RNF217: variants seen among roughly 807,000 people sequenced by gnomAD.
The protein encoded by RNF217 is E3 ubiquitin-protein ligase RNF217.
A neutral mutation model predicts 57.8 loss-of-function variants in RNF217; 31 were observed. That is an observed-to-expected ratio of 0.54 (90% CI 0.40 to 0.72). The LOEUF (loss-of-function observed/expected upper bound fraction) is 0.72, where lower values mean the gene tolerates loss of function less well. RNF217 is among the 30% of genes least tolerant of loss of function. The pLI is 0.00. For synonymous variants in RNF217, 313 were observed against 294.0 expected, an observed-to-expected ratio of 1.06 and a Z score of -0.66; for missense variants, 696 against 708.3, an observed-to-expected ratio of 0.98 and a Z score of 0.20.
intron 1 of RNF217, among the ~76,000 whole-genome samples, chr6:124,970,399 T>C (rs1783720271): frequency 1.3e-5 from 2 of 152,130 alleles, no homozygotes; most frequent in Admixed American, 1.3e-4. Flanking sequence ...AGAATGCCAA[T>C]GATTGCACAT....
At chr6:125,081,729 G>A (rs560132278) in intron 5 of RNF217, among the ~76,000 whole-genome samples, 2 of 152,186 alleles carry the variant, frequency 1.3e-5, no homozygotes, top group African/African-American at 4.8e-5. Context: ...TGTGATTCAT[G>A]TACCTTATAA....
chr6:124,989,249 T>C (rs1472295484), intron 1 of RNF217, among the ~76,000 whole-genome samples: 3 of 152,368 alleles, frequency 2.0e-5, no homozygotes, highest in African/African-American at 7.2e-5. Flanking sequence ...TATTGTATTC[T>C]TTTAGTATAA....
chr6:125,082,677 T>C, intron 5 of RNF217, 187 bp from the exon 6 acceptor site: 1 of 1,460,966 alleles, frequency 6.8e-7, no homozygotes, highest in South Asian at 1.3e-5. Context: ...CTGAGGGTGC[T>C]AAAGGGGAGA....
Position 125,045,263 on chromosome 6 carries a change from T to A in RNF217, c.935T>A (p.Phe312Tyr). Residue 312 changes from phenylalanine (F) to tyrosine (Y), a missense_variant, in exon 2 of 6, where the codon TTC (phenylalanine) becomes TAC (tyrosine). By Grantham distance (22) the Phe-to-Tyr change is conservative (BLOSUM62 3). Around this residue, in one of 2 missense-constraint regions of RNF217, gnomAD observed 231 missense variants for 321.4 expected, o/e 0.72. Transcript: ENST00000521654. ...TGCCCCATCACAGAGTGTTTTGAAT[T>A]CTTGGAAGAAACAACTGTTGTCTAT... Reference protein sequence around the residue: ...IKCPITECFEFLEETTVVYNL... With the variant: ...IKCPITECFEYLEETTVVYNL... 2 of 1,613,366 alleles carry A rather than the reference T, an allele frequency of 1.2e-6. No homozygotes were observed. Among genetic ancestry groups the A allele is most frequent in the Admixed American group, 3.3e-5 (2 of 59,920 alleles).
chr6:125,067,663 G>A (rs1787984457), intron 3 of RNF217, among the ~76,000 whole-genome samples: 1 of 152,146 alleles, frequency 6.6e-6, no homozygotes, highest in African/African-American at 2.4e-5. Flanking sequence ...ATGATGATGA[G>A]TTTGGTTTTG....
At position 125,090,619 on chromosome 6, in the gene RNF217, A is replaced by G. The variant is rs771690420; in HGVS notation, c.*7682A>G. Reference sequence around the variant, plus strand: ...ATTATATTCTCCTTAACAATAGAAAATTAGAAGAAATTTCTTGATCATAAG... The same window carrying G: ...ATTATATTCTCCTTAACAATAGAAAGTTAGAAGAAATTTCTTGATCATAAG... On this transcript the variant is annotated 3_prime_UTR_variant, in exon 6 of 6. Transcript: ENST00000521654. 7.2e-5 allele frequency: 11 copies of G among 151,762 alleles called. No homozygotes were observed. The highest frequency in any genetic ancestry group is 1.3e-4 in the Non-Finnish European group (9 of 67,798). 9.4% of individuals were successfully genotyped at this position (151,762 alleles called of 1,614,324 possible). A position where few individuals can be genotyped will look rare whatever the true frequency, so the allele number is the denominator to read the frequency against.
At chr6:125,002,060 T>A (rs939279308) in intron 1 of RNF217, among the ~76,000 whole-genome samples, 1 of 152,216 alleles carries the variant, frequency 6.6e-6, no homozygotes, top group Admixed American at 6.5e-5. Flanking sequence ...CCCAAACTCC[T>A]AATGGATGGT....
chr6:124,983,544 A>G, intron 1 of RNF217: 1 of 948,302 alleles, frequency 1.1e-6, no homozygotes, highest in Non-Finnish European at 1.3e-6. Flanking sequence ...TACTGAAACT[A>G]ATACCAGTCA....
chr6:124,967,858 A>G (rs36060063), intron 1 of RNF217, among the ~76,000 whole-genome samples: 33,035 of 151,864 alleles, frequency 0.22, 4,379 homozygotes, highest in East Asian at 0.39. Context: ...GGCTCACTGC[A>G]ACCTTTGCCT....
chr6:125,024,847 T>C (rs2114434184), intron 1 of RNF217, among the ~76,000 whole-genome samples: 1 of 152,134 alleles, frequency 6.6e-6, no homozygotes, highest in Middle Eastern at 3.4e-3. Flanking sequence ...AACGTAGATA[T>C]CAGAAGCTTA....
chr6:124,980,361 G>A (rs1021708208), intron 1 of RNF217, among the ~76,000 whole-genome samples: 2 of 152,014 alleles, frequency 1.3e-5, no homozygotes, highest in African/African-American at 4.8e-5. Flanking sequence ...AAAACAAATA[G>A]GAACTACCTA....
Position 125,051,123 on chromosome 6 carries a change from T to C in RNF217, c.1116+5679T>C, listed in dbSNP as rs1486697441. 2.6e-5 allele frequency among the ~76,000 whole-genome samples: 4 copies of C among 151,960 alleles called. No individual in the cohort carries two copies. In the East Asian group the frequency reaches 7.7e-4, roughly 29 times the overall value. On this transcript the variant is annotated intron_variant, in intron 2 of 5. Coordinates refer to ENST00000521654, the MANE Select transcript of RNF217 (RefSeq NM_001286398.3). ...ATTAGACACAATATTTTTAGAGGTT[T>C]TTAACTTGTGCTTGAACTTCTAACA...
chr6:125,034,271 A>C (rs574599615), intron 1 of RNF217, among the ~76,000 whole-genome samples: 1 of 152,290 alleles, frequency 6.6e-6, no homozygotes, highest in African/African-American at 2.4e-5. Context: ...GTCTTTGCCC[A>C]TGCCTATGTC....
chr6:124,985,053 AT>A (rs1264117473), intron 1 of RNF217, among the ~76,000 whole-genome samples: 2 of 152,242 alleles, frequency 1.3e-5, no homozygotes, highest in African/African-American at 4.8e-5. Flanking sequence ...AAAAAAGCTC[AT>A]ACTCATTCTT....
chr6:125,062,513 A>G (rs10214719), intron 3 of RNF217, among the ~76,000 whole-genome samples: 5,515 of 152,204 alleles, frequency 0.036, 312 homozygotes, highest in African/African-American at 0.12. Context: ...ATAACCCACC[A>G]CATTAAGGTC....
chr6:125,082,778 T>C (rs1248086910), intron 5 of RNF217, 86 bp from the exon 6 acceptor site: 7 of 1,166,050 alleles, frequency 6.0e-6, no homozygotes, highest in Non-Finnish European at 7.5e-6. Flanking sequence ...GTTCGTACAC[T>C]GCAAATAAAT....
At position 124,962,615 on chromosome 6, in the gene RNF217, C is replaced by G. The variant is rs1374634797; in HGVS notation, c.71C>G (p.Thr24Ser). 1 of 1,315,144 alleles carries G rather than the reference C, an allele frequency of 7.6e-7. No individual in the cohort carries two copies. Among genetic ancestry groups the G allele is most frequent in the Non-Finnish European group, 9.6e-7 (1 of 1,041,150 alleles). 81.5% of individuals were successfully genotyped at this position (1,315,144 alleles called of 1,614,324 possible). Residue 24 changes from threonine to serine, a missense_variant, in exon 1 of 6, where the codon ACT becomes AGT. Thr to Ser is a moderately conservative substitution (Grantham distance 58). Around this residue, in one of 2 missense-constraint regions of RNF217, gnomAD observed 465 missense variants for 386.8 expected, o/e 1.20. Coordinates refer to ENST00000521654, the MANE Select transcript of RNF217 (RefSeq NM_001286398.3). This position sits in a 1 kb window ranked among gnomAD's most constrained non-coding sequence, Gnocchi z 4.6. ...GAGTCGCAGACCCTGGCCAGTGGCA[C>G]TGCGGGCCACCCTGAGCCCCCGAGG... is the stretch of plus-strand genomic sequence containing the variant. ...PQESQTLASGTAGHPEPPRPQ... is the reference protein window; with the variant it reads ...PQESQTLASGSAGHPEPPRPQ...
At chr6:125,009,398 T>C (rs1785332032) in intron 1 of RNF217, 4 of 653,020 alleles carry the variant, frequency 6.1e-6, no homozygotes, top group Middle Eastern at 2.6e-4. Context: ...AGAGTAGATT[T>C]TTTCACTTTC....
intron 1 of RNF217, among the ~76,000 whole-genome samples, chr6:124,986,902 T>G (rs1784384838): frequency 2.0e-5 from 3 of 152,198 alleles, no homozygotes; most frequent in Admixed American, 2.0e-4. Flanking sequence ...AATGTTTTGC[T>G]TGCCTGGGGT....
Sources: gnomAD v4.1 joint callset for allele counts (sites outside exome capture counted in the v4.1 genomes callset) on GRCh38, gnomAD v4.1.1 for gene constraint, gnomAD v4.1.1 regional missense constraint, Gnocchi (gnomAD v3.1) non-coding constraint, MANE v1.5 for transcripts, NCBI Gene and HGNC (gene_info 2026-07-23, HGNC 2026-07-21) for gene names.